Variants in RNLS observed in about 807,000 individuals in gnomAD.
RNLS encodes renalase, FAD dependent amine oxidase.
In RNLS, 39 loss-of-function variants were observed where a neutral mutation model predicts 39.8. That is an observed-to-expected ratio of 0.98 (90% CI 0.76 to 1.28). The LOEUF is 1.28. Among genes scored for constraint, RNLS ranks in the 50% most tolerant of loss-of-function variants. The probability of loss-of-function intolerance (pLI) is 0.00; values close to 1 mark genes in which losing one functional copy is unlikely to be tolerated. For missense variants in RNLS, 410 were observed against 413.3 expected (o/e 0.99, Z 0.07); for synonymous variants, 147 against 150.7 (o/e 0.98, Z 0.18).
At chr10:88,357,760 C>A (rs2133340864) in intron 5 of RNLS, among the ~76,000 whole-genome samples, 1 of 152,252 alleles carries the variant, frequency 6.6e-6, no homozygotes, top group South Asian at 2.1e-4. Context: ...ATTTCTAGGC[C>A]TACCCCTAAA....
intron 4 of RNLS, among the ~76,000 whole-genome samples, chr10:88,537,441 T>G (rs1415691609): frequency 6.6e-6 from 1 of 152,186 alleles, no homozygotes; most frequent in East Asian, 1.9e-4. Context: ...TAGTACAGAC[T>G]GGAAAACTAC....
At chr10:88,370,027 A>G (rs1419548253) in intron 4 of RNLS, among the ~76,000 whole-genome samples, 7 of 152,108 alleles carry the variant, frequency 4.6e-5, no homozygotes, top group Middle Eastern at 6.8e-3. Flanking sequence ...TATACCATCT[A>G]TTTCTTGCTG....
chr10:88,521,835 G>A lies in RNLS; in HGVS notation c.526+51068C>T, dbSNP rs565615414. Among the ~76,000 whole-genome samples, 4 of 152,148 alleles carry A rather than the reference G, an allele frequency of 2.6e-5. No individual in the cohort carries two copies. In the South Asian group the frequency reaches 8.3e-4, roughly 32 times the overall value. ...AACACCAAGGACTAAGTCAACCTGGGAATAGCCATAGTTAGCAGAATGTCA... is the reference window on the plus strand; with the variant it reads ...AACACCAAGGACTAAGTCAACCTGGAAATAGCCATAGTTAGCAGAATGTCA... On this transcript the variant is annotated intron_variant, in intron 4 of 6. Transcript: ENST00000331772.
chr10:88,476,178 C>A (rs1843814526), intron 4 of RNLS, among the ~76,000 whole-genome samples: 1 of 152,108 alleles, frequency 6.6e-6, no homozygotes, highest in African/African-American at 2.4e-5. Flanking sequence ...CTATTAAAAT[C>A]TCACAGAACA....
intron 4 of RNLS, among the ~76,000 whole-genome samples, chr10:88,437,250 T>C (rs1169260890): frequency 6.6e-6 from 1 of 152,236 alleles, no homozygotes; most frequent in Non-Finnish European, 1.5e-5. Context: ...CGGGAAGTCA[T>C]CTTCCTGCCT....
At chr10:88,245,640 T>C in the RNLS span, among the ~76,000 whole-genome samples, 49 of 152,236 alleles carry the variant, frequency 3.2e-4, no homozygotes, top group African/African-American at 9.6e-4. Context: ...CTTTTTCTTT[T>C]CATTTTTTTT....
intron 4 of RNLS, among the ~76,000 whole-genome samples, chr10:88,369,734 C>T (rs1316299162): frequency 2.6e-5 from 4 of 152,084 alleles, no homozygotes; most frequent in Non-Finnish European, 5.9e-5. Context: ...GGATGGAGTG[C>T]AGAGGTGCAA....
intron 4 of RNLS, among the ~76,000 whole-genome samples, chr10:88,497,020 G>A (rs1845211224): frequency 6.6e-6 from 1 of 152,004 alleles, no homozygotes; most frequent in Admixed American, 6.6e-5. Context: ...AAAGAAAAGA[G>A]AAAAATGAAC....
At chr10:88,401,941 C>A (rs944183126) in intron 4 of RNLS, among the ~76,000 whole-genome samples, 1 of 151,918 alleles carries the variant, frequency 6.6e-6, no homozygotes, top group Non-Finnish European at 1.5e-5. Context: ...AAGCATTTAA[C>A]CAAAGCCCCC....
intron 4 of RNLS, among the ~76,000 whole-genome samples, chr10:88,432,521 C>T (rs936477111): frequency 6.6e-6 from 1 of 151,678 alleles, no homozygotes; most frequent in Non-Finnish European, 1.5e-5. Flanking sequence ...TCTATTTTCA[C>T]CATATATTCC....
At chr10:88,290,893 G>A (rs1310900268) in intron 6 of RNLS, among the ~76,000 whole-genome samples, 3 of 152,148 alleles carry the variant, frequency 2.0e-5, no homozygotes, top group South Asian at 2.1e-4. Context: ...TATGGATTAT[G>A]CTTTTTTCTC....
rs550862576 is a variant in RNLS, at chr10:88,329,409, C to T, written c.701-14768G>A. Among the ~76,000 whole-genome samples, 13 of 152,152 alleles carry T rather than the reference C, an allele frequency of 8.5e-5. No individual in the cohort carries two copies. In the South Asian group the frequency reaches 2.7e-3, roughly 32 times the overall value. ...TTTGCAGTTAATTTTTCTTTTATAT[C>T]TAGCTGCTTTTATGGTTTTTTCTTT... On this transcript the variant is annotated intron_variant, in intron 5 of 6. Transcript: ENST00000331772.
At chr10:88,310,310 T>A (rs1208556103) in intron 6 of RNLS, among the ~76,000 whole-genome samples, 1 of 152,222 alleles carries the variant, frequency 6.6e-6, no homozygotes, top group African/African-American at 2.4e-5. Flanking sequence ...ACTCTTGATT[T>A]ATTCAGGTAA....
chr10:88,452,425 A>G (rs1203648230), intron 4 of RNLS, among the ~76,000 whole-genome samples: 1 of 152,184 alleles, frequency 6.6e-6, no homozygotes, highest in African/African-American at 2.4e-5. Context: ...GGTCTGTTGA[A>G]TGTACAGTTT....
intron 4 of RNLS, among the ~76,000 whole-genome samples, chr10:88,381,132 C>T (rs755553063): frequency 2.0e-5 from 3 of 152,126 alleles, no homozygotes; most frequent in Non-Finnish European, 2.9e-5. Flanking sequence ...TTAAGAATTT[C>T]GTCTTTCAGA....
the RNLS span, among the ~76,000 whole-genome samples, chr10:88,210,210 CT>C: frequency 6.6e-6 from 1 of 152,168 alleles, no homozygotes; most frequent in Admixed American, 6.6e-5. Flanking sequence ...TATCACTCCC[CT>C]GGGAGGGACT....
chr10:88,360,036 C>G (rs561332225), intron 5 of RNLS, among the ~76,000 whole-genome samples: 3 of 152,322 alleles, frequency 2.0e-5, no homozygotes, highest in African/African-American at 7.2e-5. Context: ...ACATCATTCT[C>G]TAAAATGTCA....
chr10:88,174,208 ACTT>A, the RNLS span, among the ~76,000 whole-genome samples: 27 of 151,912 alleles, frequency 1.8e-4, 1 homozygote, highest in African/African-American at 4.8e-4. Flanking sequence ...AGACAATTTG[ACTT>A]CTTCTTTTCC....
chr10:88,562,632 G>A (rs1849261446), intron 4 of RNLS, among the ~76,000 whole-genome samples: 1 of 151,794 alleles, frequency 6.6e-6, no homozygotes, highest in Admixed American at 6.6e-5. Context: ...TGTGTGGGAA[G>A]GAATAAAGAG....
Sources: allele counts gnomAD v4.1 joint callset (sites outside exome capture counted in the v4.1 genomes callset), GRCh38; gene constraint gnomAD v4.1.1; transcripts MANE v1.5; gene names NCBI Gene and HGNC (gene_info 2026-07-23, HGNC 2026-07-21).